Variants in BMERB1 observed in about 807,000 individuals in gnomAD.
The protein encoded by BMERB1 is bMERB domain-containing protein 1.
Under a neutral mutation model 23.6 loss-of-function variants are expected in BMERB1, and 12 were observed. The ratio of observed to expected loss-of-function variants is 0.51; its 90% confidence interval spans 0.33 to 0.82. The LOEUF is 0.82. Ranked by LOEUF, BMERB1 falls within the 40% of genes least tolerant of loss-of-function variation. The pLI is 0.03. For synonymous variants in BMERB1, 122 were observed against 96.6 expected (o/e 1.26, Z -1.54); for missense variants, 247 against 255.4 (o/e 0.97, Z 0.22).
At chr16:15,562,046 G>A (rs993979250) in intron 2 of BMERB1, among the ~76,000 whole-genome samples, 1 of 151,878 alleles carries the variant, frequency 6.6e-6, no homozygotes, top group Non-Finnish European at 1.5e-5. Flanking sequence ...GGTGGCTCAC[G>A]CCTATCATCC....
intron 1 of BMERB1, among the ~76,000 whole-genome samples, chr16:15,509,894 C>T (rs1598481747): frequency 6.6e-6 from 1 of 152,098 alleles, no homozygotes; most frequent in African/African-American, 2.4e-5. Context: ...TCCAGATGAG[C>T]TCACATTGGA....
chr16:15,578,139 C>T (rs2030917199), intron 3 of BMERB1, among the ~76,000 whole-genome samples: 2 of 152,260 alleles, frequency 1.3e-5, no homozygotes, highest in Admixed American at 1.3e-4. Flanking sequence ...CAATTCTTGG[C>T]ATTGCTTGCC....
At chr16:15,522,152 A>G (rs944135042) in intron 2 of BMERB1, among the ~76,000 whole-genome samples, 5 of 152,040 alleles carry the variant, frequency 3.3e-5, no homozygotes, top group African/African-American at 1.2e-4. Context: ...CGCTTGCTGG[A>G]TTTTCATAAA....
chr16:15,529,279 G>A (rs1035258067), intron 2 of BMERB1, among the ~76,000 whole-genome samples: 2 of 152,140 alleles, frequency 1.3e-5, no homozygotes, highest in African/African-American at 4.8e-5. Flanking sequence ...GCCTGCCTCG[G>A]CCTCCCAACG....
intron 1 of BMERB1, among the ~76,000 whole-genome samples, chr16:15,475,503 C>G (rs1269512026): frequency 6.6e-6 from 1 of 152,104 alleles, no homozygotes; most frequent in Non-Finnish European, 1.5e-5. Context: ...AGGGAAGAAG[C>G]CTGGAGGGCA....
intron 3 of BMERB1, among the ~76,000 whole-genome samples, chr16:15,579,596 A>G (rs1283935063): frequency 6.6e-6 from 1 of 152,208 alleles, no homozygotes; most frequent in Non-Finnish European, 1.5e-5. Flanking sequence ...TTTGAGCAGA[A>G]AGAGCCCAAG....
At chr16:15,550,908 A>G (rs962267361) in intron 2 of BMERB1, among the ~76,000 whole-genome samples, 2 of 152,168 alleles carry the variant, frequency 1.3e-5, no homozygotes, top group Non-Finnish European at 2.9e-5. Context: ...ATTGGGCTGG[A>G]TACAAATCAG....
In BMERB1 at chr16:15,581,253, A is replaced by T; in HGVS notation, c.341A>T (p.Asp114Val). 4 of 1,613,988 alleles carry T rather than the reference A, an allele frequency of 2.5e-6. No homozygotes were observed. The highest frequency in any genetic ancestry group is 3.4e-6 in the Non-Finnish European group (4 of 1,179,958). Residue 114 changes from aspartate to valine, a missense_variant, in exon 4 of 6, where the codon GAT becomes GTT. Transcript: ENST00000300006. Reference sequence around the variant, plus strand: ...ACCAAACTGCAGAAGCAGAGAGAGGATGAGCTAATCCAGAAGATCCACAAA... The same window carrying T: ...ACCAAACTGCAGAAGCAGAGAGAGGTTGAGCTAATCCAGAAGATCCACAAA... ...EKTKLQKQREDELIQKIHKLV... is the reference protein window; with the variant it reads ...EKTKLQKQREVELIQKIHKLV...
chr16:15,572,473 G>A (rs1426170162), intron 3 of BMERB1, among the ~76,000 whole-genome samples: 1 of 152,172 alleles, frequency 6.6e-6, no homozygotes, highest in Admixed American at 6.5e-5. Flanking sequence ...TCTTCTGGGG[G>A]TGATTAAAAT....
At chr16:15,497,059 C>G (rs2051480095) in intron 1 of BMERB1, among the ~76,000 whole-genome samples, 1 of 152,100 alleles carries the variant, frequency 6.6e-6, no homozygotes. Flanking sequence ...TCCTTAGAGC[C>G]CCAAGAAGGA....
At chr16:15,541,867 G>T (rs2052086074) in intron 2 of BMERB1, among the ~76,000 whole-genome samples, 1 of 150,808 alleles carries the variant, frequency 6.6e-6, no homozygotes, top group Non-Finnish European at 1.5e-5. Context: ...CTCCCAAAGT[G>T]CTGGGATTAC....
chr16:15,488,704 G>A (rs1275444894), intron 1 of BMERB1, among the ~76,000 whole-genome samples: 5 of 150,270 alleles, frequency 3.3e-5, no homozygotes, highest in African/African-American at 9.7e-5. Flanking sequence ...TTAGCTGGGC[G>A]TGGTGGTGGG....
At chr16:15,518,967 C>T (rs1007650881) in intron 2 of BMERB1, among the ~76,000 whole-genome samples, 1 of 151,998 alleles carries the variant, frequency 6.6e-6, no homozygotes, top group Non-Finnish European at 1.5e-5. Flanking sequence ...TTCCTCACAA[C>T]GTCTTCCCAG....
At chr16:15,553,869 A>G (rs1051362264) in intron 2 of BMERB1, among the ~76,000 whole-genome samples, 33 of 152,050 alleles carry the variant, frequency 2.2e-4, no homozygotes, top group African/African-American at 7.5e-4. Context: ...TTGGTGTGGA[A>G]ATACTGATCA....
chr16:15,442,340 A>G (rs1400548804), intron 1 of BMERB1, among the ~76,000 whole-genome samples: 1 of 152,078 alleles, frequency 6.6e-6, no homozygotes, highest in Non-Finnish European at 1.5e-5. Flanking sequence ...AAGAAAAAAA[A>G]AAAAAAGAAT....
chr16:15,585,186 C>T (rs2031111539), intron 5 of BMERB1, among the ~76,000 whole-genome samples: 1 of 152,238 alleles, frequency 6.6e-6, no homozygotes, highest in South Asian at 2.1e-4. Flanking sequence ...GGCCAGCATC[C>T]TCAGTGGACC....
chr16:15,457,391 T>C (rs1240939006), intron 1 of BMERB1, among the ~76,000 whole-genome samples: 1 of 152,222 alleles, frequency 6.6e-6, no homozygotes, highest in African/African-American at 2.4e-5. Flanking sequence ...CTTCTTAACC[T>C]TTTTGCACGT....
At chr16:15,516,233 G>C (rs2051751724) in intron 2 of BMERB1, among the ~76,000 whole-genome samples, 1 of 152,064 alleles carries the variant, frequency 6.6e-6, no homozygotes. Flanking sequence ...AGACCAGACA[G>C]GGCAATGTAG....
intron 1 of BMERB1, among the ~76,000 whole-genome samples, chr16:15,438,464 A>AT (rs201673443): frequency 1.5e-4 from 21 of 144,798 alleles, no homozygotes; most frequent in African/African-American, 4.9e-4. Flanking sequence ...TTTCTAGACT[A>AT]TTTTTTTTTT....
Sources: gnomAD v4.1 joint callset for allele counts (sites outside exome capture counted in the v4.1 genomes callset) on GRCh38, gnomAD v4.1.1 for gene constraint, MANE v1.5 for transcripts, NCBI Gene and HGNC (gene_info 2026-07-23, HGNC 2026-07-21) for gene names.